The following KCNN2 variants were observed in gnomAD, a reference collection of about 807,000 sequenced individuals.
KCNN2 encodes small conductance calcium-activated potassium channel protein 2.
In KCNN2, 24 loss-of-function variants were observed where a neutral mutation model predicts 55.5. The observed-to-expected ratio is 0.43, with a 90% CI of 0.31 to 0.61. The LOEUF is 0.61. KCNN2 is among the 20% of genes least tolerant of loss of function. KCNN2 has a pLI of 0.08. For missense variants in KCNN2, 754 were observed against 853.6 expected (o/e 0.88, Z 1.45); for synonymous variants, 431 against 336.1 (o/e 1.28, Z -3.09).
At chr5:114,232,712 C>T (rs1267635189) in intron 2 of KCNN2, among the ~76,000 whole-genome samples, 2 of 150,282 alleles carry the variant, frequency 1.3e-5, no homozygotes, top group African/African-American at 5.0e-5. Flanking sequence ...TTTAACTTTG[C>T]GGTGTCAAAA....
At chr5:114,167,038 A>T (rs1752926996) in intron 1 of KCNN2, among the ~76,000 whole-genome samples, 1 of 152,168 alleles carries the variant, frequency 6.6e-6, no homozygotes, top group Admixed American at 6.5e-5. Context: ...TAAGCCATCT[A>T]GTCTATAGTA....
At chr5:114,370,255 C>A (rs1353617339) in intron 2 of KCNN2, among the ~76,000 whole-genome samples, 1 of 152,116 alleles carries the variant, frequency 6.6e-6, no homozygotes, top group African/African-American at 2.4e-5. Flanking sequence ...GCAGTTCATA[C>A]ACGTACAAGG....
intron 2 of KCNN2, among the ~76,000 whole-genome samples, chr5:114,305,712 A>G (rs1027965323): frequency 1.3e-5 from 2 of 152,304 alleles, no homozygotes; most frequent in South Asian, 2.1e-4. Context: ...GTTGCACAGT[A>G]GGAACAAAAA....
At chr5:114,478,556 A>G (rs903753639) in intron 5 of KCNN2, among the ~76,000 whole-genome samples, 12 of 152,082 alleles carry the variant, frequency 7.9e-5, no homozygotes, top group African/African-American at 2.4e-5. Context: ...GATCTCCAGT[A>G]AGGTACTCCA....
intron 2 of KCNN2, among the ~76,000 whole-genome samples, chr5:114,341,198 C>G (rs573064321): frequency 6.6e-6 from 1 of 152,206 alleles, no homozygotes; most frequent in East Asian, 1.9e-4. Context: ...TTAGTTTAAT[C>G]AAAGATAGCT....
At chr5:114,390,025 C>G (rs1253192995) in intron 2 of KCNN2, among the ~76,000 whole-genome samples, 4 of 152,112 alleles carry the variant, frequency 2.6e-5, no homozygotes, top group Admixed American at 6.5e-5. Context: ...TGTGCTTTAA[C>G]TGGACTCTTC....
At chr5:114,302,046 T>G (rs1015202737) in intron 2 of KCNN2, among the ~76,000 whole-genome samples, 16 of 152,202 alleles carry the variant, frequency 1.1e-4, no homozygotes, top group African/African-American at 3.9e-4. Flanking sequence ...GAATAGTCTA[T>G]TTCTACCATT....
chr5:114,350,176 G>A (rs1013736984), intron 2 of KCNN2, among the ~76,000 whole-genome samples: 3 of 151,748 alleles, frequency 2.0e-5, no homozygotes, highest in Non-Finnish European at 4.4e-5. Flanking sequence ...ATGATGTTTC[G>A]ATGCATGTAT....
At chr5:114,185,602 C>T (rs1452460886) in intron 1 of KCNN2, among the ~76,000 whole-genome samples, 1 of 152,214 alleles carries the variant, frequency 6.6e-6, no homozygotes, top group Non-Finnish European at 1.5e-5. Flanking sequence ...CCCAATAAAA[C>T]CCTGCTGTAC....
chr5:114,123,784 C>G (rs1751874743), intron 1 of KCNN2, among the ~76,000 whole-genome samples: 1 of 152,114 alleles, frequency 6.6e-6, no homozygotes, highest in South Asian at 2.1e-4. Context: ...TGTTTTATTT[C>G]TCTTACACTG....
chr5:114,269,093 C>T (rs545880004), intron 2 of KCNN2, among the ~76,000 whole-genome samples: 2 of 152,054 alleles, frequency 1.3e-5, no homozygotes, highest in East Asian at 3.9e-4. Context: ...ACACACAGGG[C>T]GCCCTGTCCT....
At chr5:114,106,166 T>G (rs1751479182) in intron 1 of KCNN2, among the ~76,000 whole-genome samples, 1 of 151,978 alleles carries the variant, frequency 6.6e-6, no homozygotes, top group African/African-American at 2.4e-5. Flanking sequence ...GTCTACTTGT[T>G]AATCTTTTTC....
At chr5:114,115,176 T>G (rs2112588630) in intron 1 of KCNN2, among the ~76,000 whole-genome samples, 1 of 152,260 alleles carries the variant, frequency 6.6e-6, no homozygotes, top group East Asian at 1.9e-4. Context: ...TCCATATGAT[T>G]GATTTTATTA....
intron 2 of KCNN2, among the ~76,000 whole-genome samples, chr5:114,337,802 C>G (rs1344735154): frequency 6.6e-6 from 1 of 152,152 alleles, no homozygotes; most frequent in Non-Finnish European, 1.5e-5. Flanking sequence ...GAACTCGTAA[C>G]TTCGGTCCAA....
intron 3 of KCNN2, among the ~76,000 whole-genome samples, chr5:114,410,795 G>T (rs1001872515): frequency 6.6e-6 from 1 of 151,962 alleles, no homozygotes; most frequent in Non-Finnish European, 1.5e-5. Context: ...AATGGAAAAG[G>T]GTCATTTGGT....
At chr5:114,210,340 G>A (rs1221162121) in intron 1 of KCNN2, among the ~76,000 whole-genome samples, 1 of 152,148 alleles carries the variant, frequency 6.6e-6, no homozygotes, top group South Asian at 2.1e-4. Context: ...TACATGGTAT[G>A]TATTGAGCTG....
chr5:114,489,905 C>G (rs1747766420), intron 6 of KCNN2, among the ~76,000 whole-genome samples: 1 of 152,164 alleles, frequency 6.6e-6, no homozygotes, highest in African/African-American at 2.4e-5. Flanking sequence ...CTGGCCTCTC[C>G]TACTCTCTGA....
At chr5:114,172,595 T>C (rs538767162) in intron 1 of KCNN2, among the ~76,000 whole-genome samples, 64 of 52,716 alleles carry the variant, frequency 1.2e-3, no homozygotes, top group African/African-American at 2.3e-3. Context: ...CATATTTAGT[T>C]ATATATATAT....
rs1179943505 is a variant in KCNN2 at position 114,362,808 on chromosome 5, G to A, written c.669G>A (p.Met223Ile). 38 of 1,597,664 alleles carry A rather than the reference G, an allele frequency of 2.4e-5. No individual in the cohort carries two copies. The highest frequency in any genetic ancestry group is 3.2e-5 in the Non-Finnish European group (38 of 1,177,396). The change falls in exon 1 of 8, where the codon ATG (methionine) becomes ATA (isoleucine). Residue 223 changes from methionine (M) to isoleucine (I), a missense_variant. By Grantham distance (10) the Met-to-Ile change is conservative. This residue lies in a region of KCNN2 where 381 missense variants were observed against 259.1 expected (regional missense o/e 1.47). Coordinates refer to ENST00000673685, the MANE Select transcript of KCNN2 (RefSeq NM_021614.4). The part of the protein sequence containing the change: ...MSSCRYNGGV[M>I]RPLSNLSASR... ...GCTGCAGGTACAACGGGGGCGTCAT[G>A]CGGCCGCTCAGCAACTTGAGCGCGT... is the stretch of plus-strand genomic sequence containing the variant.
Sources: allele counts gnomAD v4.1 joint callset (sites outside exome capture counted in the v4.1 genomes callset), GRCh38; gene constraint gnomAD v4.1.1; regional missense constraint gnomAD v4.1.1; transcripts MANE v1.5; gene names NCBI Gene and HGNC (gene_info 2026-07-23, HGNC 2026-07-21).